Variants in PRDM15 observed in about 807,000 individuals in gnomAD.
PRDM15 encodes the protein PR/SET domain 15, also known as PR domain zinc finger protein 15.
PRDM15 carries 64 observed loss-of-function variants against 128.6 expected under a neutral mutation model. The ratio of observed to expected loss-of-function variants is 0.50; its 90% CI spans 0.41 to 0.61. PRDM15 has a LOEUF of 0.61. Among genes scored for constraint, PRDM15 ranks in the 20% least tolerant of loss-of-function variants. PRDM15 has a pLI of 0.00. For missense variants in PRDM15, 1,242 were observed against 1,569.1 expected (o/e 0.79, Z 3.52); for synonymous variants, 615 against 621.8 (o/e 0.99, Z 0.16).
At chr21:41,843,954 A>T (rs1418313543) in intron 6 of PRDM15, among the ~76,000 whole-genome samples, 8 of 145,780 alleles carry the variant, frequency 5.5e-5, no homozygotes, top group Admixed American at 1.4e-4. Flanking sequence ...GTATTGTAAA[A>T]AAAAAAAAAA....
chr21:41,868,265 G>A (rs756123739), intron 1 of PRDM15, among the ~76,000 whole-genome samples: 1 of 152,100 alleles, frequency 6.6e-6, no homozygotes, highest in African/African-American at 2.4e-5. Flanking sequence ...TTTCCCACAC[G>A]GGGCTGTTAC....
intron 5 of PRDM15, among the ~76,000 whole-genome samples, chr21:41,849,701 T>C (rs147734464): frequency 5.9e-5 from 9 of 152,080 alleles, no homozygotes; most frequent in East Asian, 3.9e-4. Flanking sequence ...CTTTGGGAGG[T>C]TGAGGCAGGT....
chr21:41,874,432 C>T (rs897617854), intron 1 of PRDM15, among the ~76,000 whole-genome samples: 5 of 149,666 alleles, frequency 3.3e-5, no homozygotes, highest in African/African-American at 7.4e-5. Context: ...TCTTGCCTAA[C>T]GTGGTGCTAA....
intron 21 of PRDM15, among the ~76,000 whole-genome samples, chr21:41,804,903 C>CGTG (rs1555855647): frequency 6.6e-6 from 1 of 152,170 alleles, no homozygotes; most frequent in Non-Finnish European, 1.5e-5. Flanking sequence ...TTTGGCCCCC[C>CGTG]ACCAAAGGGG....
intron 6 of PRDM15, among the ~76,000 whole-genome samples, chr21:41,845,447 C>T (rs2063233325): frequency 6.6e-6 from 1 of 151,470 alleles, no homozygotes; most frequent in Non-Finnish European, 1.5e-5. Flanking sequence ...AGAAGCCCCC[C>T]AGCGAGAGGC....
At position 41,871,518 on chromosome 21, in the gene PRDM15, G is replaced by A. The variant is rs552481566; in HGVS notation, c.-10+7752C>T. The A allele has an allele frequency of 7.3e-5, 117 of 1,607,020 alleles. No homozygotes were observed. The South Asian group carries it at 1.0e-3, about 14-fold the overall frequency. On this transcript the variant is annotated intron_variant, in intron 1 of 23. Coordinates refer to ENST00000398548, the MANE Select transcript of PRDM15 (RefSeq NM_001040424.3). ...CCAGGAGGTAGGGCAGGATTGCGTC[G>A]CAGGCCTGCACTCGCAGGGCTCAGT...
chr21:41,879,029 A>G lies in PRDM15; in HGVS notation c.-10+241T>C. 1.8e-6 allele frequency: 2 copies of G among 1,086,586 alleles called. No homozygotes were observed. The highest frequency in any genetic ancestry group is 1.8e-5 in the African/African-American group (1 of 56,204). 67.3% of individuals were successfully genotyped at this position (1,086,586 alleles called of 1,614,324 possible). A position where few individuals can be genotyped will look rare whatever the true frequency, so the allele number is the denominator to read the frequency against. ...CGGGCGGCGCGCAGGGCGATCCCGG[A>G]GCGGCTCCGGGAAATCCAGCCGGGT... On this transcript the variant is annotated intron_variant, in intron 1 of 23. Coordinates refer to ENST00000398548, the MANE Select transcript of PRDM15 (RefSeq NM_001040424.3). The surrounding 1 kb of genome is among the most constrained non-coding windows in gnomAD (Gnocchi z 5.1).
At chr21:41,826,357 CT>C (rs941902428) in intron 12 of PRDM15, among the ~76,000 whole-genome samples, 4 of 152,170 alleles carry the variant, frequency 2.6e-5, no homozygotes, top group African/African-American at 9.7e-5. Flanking sequence ...CTAAATGTTC[CT>C]AGGTGGCAGA....
chr21:41,859,348 G>A lies in PRDM15; in HGVS notation c.131+244C>T. On this transcript the variant is annotated intron_variant, in intron 3 of 23. Transcript: ENST00000398548. The surrounding 1 kb of genome is among the most constrained non-coding windows in gnomAD (Gnocchi z 5.3). ...TCCACACACTGTGTCGGGAACAGCT[G>A]GGCTCCAGCTAAGAACCCTGGAGTG... 1.0e-6 allele frequency: 1 copy of A among 952,728 alleles called. No individual in the cohort carries two copies. 59.0% of individuals were successfully genotyped at this position (952,728 alleles called of 1,614,324 possible).
chr21:41,879,152 G>T lies in PRDM15; in HGVS notation c.-10+118C>A. On this transcript the variant is annotated intron_variant, in intron 1 of 23. Coordinates refer to ENST00000398548, the MANE Select transcript of PRDM15 (RefSeq NM_001040424.3). This position sits in a 1 kb window ranked among gnomAD's most constrained non-coding sequence, Gnocchi z 5.1. ...GGGGCGGCGCGCGGCTGCCGGGCGC[G>T]GGGGGCGGGGGGCAGCGGGCCCAGG... is the stretch of plus-strand genomic sequence containing the variant. The T allele has an allele frequency of 1.0e-6, 1 of 964,036 alleles. No individual in the cohort carries two copies. The highest frequency in any genetic ancestry group is 1.2e-6 in the Non-Finnish European group (1 of 801,462). 59.7% of individuals were successfully genotyped at this position (964,036 alleles called of 1,614,324 possible).
At chr21:41,841,518 G>C (rs746897354) in intron 6 of PRDM15, among the ~76,000 whole-genome samples, 1 of 152,028 alleles carries the variant, frequency 6.6e-6, no homozygotes. Context: ...ATTTTAGATT[G>C]AGGGTCAGAA....
chr21:41,838,192 T>C lies in PRDM15; in HGVS notation c.872-129A>G. On this transcript the variant is annotated intron_variant, in intron 7 of 23. Coordinates refer to ENST00000398548, the MANE Select transcript of PRDM15 (RefSeq NM_001040424.3). ...AATGGTAGGCACAAATGTTGAGGTTTACAGAGGGGAAAAAAAAAACTGTCA... is the reference window on the plus strand; with the variant it reads ...AATGGTAGGCACAAATGTTGAGGTTCACAGAGGGGAAAAAAAAAACTGTCA... 4 of 918,776 alleles carry C rather than the reference T, an allele frequency of 4.4e-6. No homozygotes were observed. The Middle Eastern group carries it at 6.8e-4, about 156-fold the overall frequency. 56.9% of individuals were successfully genotyped at this position (918,776 alleles called of 1,614,324 possible). A position where few individuals can be genotyped will look rare whatever the true frequency, so the allele number is the denominator to read the frequency against.
chr21:41,819,166 T>C (rs73375531), intron 18 of PRDM15, among the ~76,000 whole-genome samples: 4,442 of 152,314 alleles, frequency 0.029, 201 homozygotes, highest in African/African-American at 0.1. Context: ...CTGCCTCGAG[T>C]CCTTCTTTCC....
intron 10 of PRDM15, 32 bp downstream of exon 10, chr21:41,836,080 TG>T (rs760574460): frequency 6.7e-7 from 1 of 1,482,470 alleles, no homozygotes; most frequent in Non-Finnish European, 9.3e-7. Flanking sequence ...TCCACACAAC[TG>T]GGAAGAGAAC....
At chr21:41,804,912 G>A (rs1356022321) in intron 21 of PRDM15, among the ~76,000 whole-genome samples, 1 of 152,214 alleles carries the variant, frequency 6.6e-6, no homozygotes, top group African/African-American at 2.4e-5. Flanking sequence ...CCACCAAAGG[G>A]GTGAGGTTTC....
intron 13 of PRDM15, among the ~76,000 whole-genome samples, chr21:41,824,731 C>T (rs929855622): frequency 1.3e-5 from 2 of 152,250 alleles, no homozygotes; most frequent in East Asian, 3.8e-4. Context: ...CCTGCCCCTC[C>T]AGCCCACAGT....
chr21:41,834,340 A>G (rs1023291650), intron 11 of PRDM15, among the ~76,000 whole-genome samples: 3 of 152,094 alleles, frequency 2.0e-5, no homozygotes, highest in Non-Finnish European at 4.4e-5. Context: ...GGCCTCTCAC[A>G]TGGCCCATGT....
intron 1 of PRDM15, among the ~76,000 whole-genome samples, chr21:41,866,250 A>C (rs536750972): frequency 6.6e-6 from 1 of 152,372 alleles, no homozygotes; most frequent in Non-Finnish European, 1.5e-5. Flanking sequence ...ACGCCAAGAA[A>C]GTTCAGAAGT....
At chr21:41,808,734 G>A (rs1314280858) in intron 21 of PRDM15, among the ~76,000 whole-genome samples, 1 of 152,158 alleles carries the variant, frequency 6.6e-6, no homozygotes, top group Non-Finnish European at 1.5e-5. Flanking sequence ...CATTATATAT[G>A]TGCACAACGT....
Sources: gnomAD v4.1 joint callset for allele counts (sites outside exome capture counted in the v4.1 genomes callset) on GRCh38, gnomAD v4.1.1 for gene constraint, Gnocchi (gnomAD v3.1) non-coding constraint, MANE v1.5 for transcripts, NCBI Gene and HGNC (gene_info 2026-07-23, HGNC 2026-07-21) for gene names.